Variants in LARP1B observed in about 807,000 individuals in gnomAD.
The protein encoded by LARP1B is la-related protein 1B.
Under a neutral mutation model 114.2 loss-of-function variants are expected in LARP1B, and 76 were observed. That is an observed-to-expected ratio of 0.67 (90% CI 0.55 to 0.81). The LOEUF is 0.81. Ranked by LOEUF, LARP1B falls within the 30% of genes least tolerant of loss-of-function variation. The probability of loss-of-function intolerance (pLI) is 0.00; values close to 1 mark genes in which losing one functional copy is unlikely to be tolerated. For synonymous variants in LARP1B, 345 were observed against 348.0 expected (o/e 0.99, Z 0.10); for missense variants, 1,014 against 1,075.8 (o/e 0.94, Z 0.80).
At chr4:128,094,855 G>A (rs565186086) in intron 7 of LARP1B, among the ~76,000 whole-genome samples, 3 of 151,656 alleles carry the variant, frequency 2.0e-5, no homozygotes, top group African/African-American at 4.8e-5. Context: ...GAGTCCAAGC[G>A]ATTCTCCTGC....
intron 8 of LARP1B, among the ~76,000 whole-genome samples, chr4:128,098,763 ATATAT>A (rs1290898154): frequency 2.8e-5 from 1 of 35,504 alleles, no homozygotes; most frequent in Non-Finnish European, 5.3e-5. Flanking sequence ...ATATATATAT[ATATAT>A]TTTTTTTTTT....
At chr4:128,126,715 G>A (rs4417984) in intron 11 of LARP1B, among the ~76,000 whole-genome samples, 6,494 of 151,654 alleles carry the variant, frequency 0.043, 439 homozygotes, top group African/African-American at 0.15. Flanking sequence ...GATACAGAAT[G>A]ATTTTCTACA....
intron 12 of LARP1B, among the ~76,000 whole-genome samples, chr4:128,175,316 C>T (rs1745432298): frequency 6.6e-6 from 1 of 152,100 alleles, no homozygotes; most frequent in Non-Finnish European, 1.5e-5. Context: ...CTGTCACTCC[C>T]ACTTTTACTG....
intron 15 of LARP1B, among the ~76,000 whole-genome samples, chr4:128,185,525 A>C (rs995445301): frequency 2.5e-5 from 3 of 120,374 alleles, no homozygotes; most frequent in African/African-American, 8.2e-5. Context: ...AAATGGGATT[A>C]TTTGTATTGT....
At chr4:128,095,715 T>C (rs1777680651) in intron 7 of LARP1B, among the ~76,000 whole-genome samples, 2 of 151,432 alleles carry the variant, frequency 1.3e-5, no homozygotes, top group Admixed American at 1.3e-4. Context: ...GATGCCTTTT[T>C]TTCAAAGATA....
intron 10 of LARP1B, among the ~76,000 whole-genome samples, chr4:128,117,454 C>T (rs921529176): frequency 5.5e-4 from 83 of 152,074 alleles, no homozygotes; most frequent in African/African-American, 1.9e-3. Context: ...GGCGTGATCT[C>T]GGCTCTGTAC....
chr4:128,185,087 C>T (rs1328790220), intron 15 of LARP1B, among the ~76,000 whole-genome samples: 1 of 152,064 alleles, frequency 6.6e-6, no homozygotes, highest in East Asian at 1.9e-4. Context: ...TTGATAGACA[C>T]TTAGGTTGAT....
chr4:128,110,214 T>A (rs1205146609), intron 9 of LARP1B, among the ~76,000 whole-genome samples: 1 of 152,148 alleles, frequency 6.6e-6, no homozygotes, highest in Non-Finnish European at 1.5e-5. Flanking sequence ...TAATTTTCAG[T>A]TAATAAAAGC....
intron 9 of LARP1B, among the ~76,000 whole-genome samples, chr4:128,113,188 C>G (rs989209902): frequency 2.0e-5 from 3 of 152,024 alleles, no homozygotes; most frequent in Non-Finnish European, 4.4e-5. Flanking sequence ...CATAATGTTA[C>G]AGAGTACATT....
At chr4:128,172,513 T>G (rs988649211) in intron 12 of LARP1B, among the ~76,000 whole-genome samples, 1 of 151,988 alleles carries the variant, frequency 6.6e-6, no homozygotes, top group Admixed American at 6.6e-5. Flanking sequence ...GCCAACATGG[T>G]GAAACCCCAT....
rs779592397 is a variant in LARP1B at position 128,162,297 on chromosome 4, C to T, written c.1628C>T (p.Ala543Val). ...PFEPNQEVPV[A>V]PSQSRQGGVQ... is the part of the protein sequence containing the mutation. ...GAGCCAAACCAAGAAGTTCCTGTAGCACCTTCACAGTCCAGGCAAGGTATG... is the reference window on the plus strand; with the variant it reads ...GAGCCAAACCAAGAAGTTCCTGTAGTACCTTCACAGTCCAGGCAAGGTATG... Residue 543 changes from alanine (A) to valine (V), a missense_variant, in exon 12 of 20, where the codon GCA becomes GTA. Ala to Val is a moderately conservative substitution (Grantham distance 64). Coordinates refer to ENST00000326639, the MANE Select transcript of LARP1B (RefSeq NM_018078.4). The T allele has an allele frequency of 1.9e-6, 3 of 1,613,098 alleles. No homozygotes were observed. Among genetic ancestry groups the T allele is most frequent in the Non-Finnish European group, 2.5e-6 (3 of 1,179,302 alleles).
chr4:128,219,015 A>G (rs1402680134), intron 6 of LARP1B, among the ~76,000 whole-genome samples: 100 of 122,394 alleles, frequency 8.2e-4, no homozygotes, highest in African/African-American at 3.0e-3. Flanking sequence ...AAAAGAAGAC[A>G]TTTATGCAGC....
intron 14 of LARP1B, chr4:128,179,185 CTTCAT>C: frequency 1.0e-5 from 4 of 385,496 alleles, no homozygotes; most frequent in Non-Finnish European, 1.8e-5. Flanking sequence ...CTAAGCTGCA[CTTCAT>C]TTCATCTTTG....
chr4:128,069,613 C>G, intron 1 of LARP1B: 1 of 666,500 alleles, frequency 1.5e-6, no homozygotes, highest in Non-Finnish European at 2.7e-6. Flanking sequence ...ATGCCCCCAT[C>G]TTGGCTTACC....
chr4:128,132,510 T>C (rs1314971006), intron 11 of LARP1B, among the ~76,000 whole-genome samples: 1 of 152,120 alleles, frequency 6.6e-6, no homozygotes, highest in African/African-American at 2.4e-5. Flanking sequence ...TCTCCAAAAG[T>C]GCTGAGATTA....
intron 11 of LARP1B, among the ~76,000 whole-genome samples, chr4:128,160,188 C>T (rs1737787971): frequency 6.6e-6 from 1 of 152,220 alleles, no homozygotes; most frequent in Admixed American, 6.5e-5. Context: ...TTTATAAAAA[C>T]AGGCTTTAGC....
At chr4:128,078,587 C>T (rs1385799824) in intron 4 of LARP1B, among the ~76,000 whole-genome samples, 1 of 148,512 alleles carries the variant, frequency 6.7e-6, no homozygotes, top group African/African-American at 2.5e-5. Flanking sequence ...GGCGGCAGTG[C>T]AAGACTGTCT....
chr4:128,117,206 ATTT>A (rs70966078), intron 10 of LARP1B, among the ~76,000 whole-genome samples: 1 of 136,198 alleles, frequency 7.3e-6, no homozygotes, highest in African/African-American at 2.7e-5. Flanking sequence ...CCGGCCTGAG[ATTT>A]TTTTTTTTTT....
intron 11 of LARP1B, chr4:128,122,391 A>T: frequency 1.4e-6 from 2 of 1,475,956 alleles, no homozygotes; most frequent in Non-Finnish European, 1.8e-6. Context: ...AGCGTGATGA[A>T]TACTGTAATT....
Sources: gnomAD v4.1 joint callset for allele counts (sites outside exome capture counted in the v4.1 genomes callset) on GRCh38, gnomAD v4.1.1 for gene constraint, MANE v1.5 for transcripts, NCBI Gene and HGNC (gene_info 2026-07-23, HGNC 2026-07-21) for gene names.